ADAM18: variants seen among roughly 807,000 people sequenced by gnomAD.
ADAM18 encodes the protein disintegrin and metalloproteinase domain-containing protein 18.
ADAM18 carries 117 observed loss-of-function variants against 94.4 expected under a neutral mutation model. The observed-to-expected ratio is 1.24, with a 90% CI of 1.07 to 1.45. ADAM18 has a LOEUF of 1.45. Among genes scored for constraint, ADAM18 ranks in the 40% most tolerant of loss-of-function variants. The pLI is 0.00. For missense variants in ADAM18, 936 were observed against 880.0 expected, an observed-to-expected ratio of 1.06 and a Z score of -0.81; for synonymous variants, 327 against 291.6, an observed-to-expected ratio of 1.12 and a Z score of -1.24.
chr8:39,598,565 C>T (rs538149657), intron 2 of ADAM18, among the ~76,000 whole-genome samples: 25 of 151,878 alleles, frequency 1.6e-4, no homozygotes, highest in African/African-American at 4.3e-4. Flanking sequence ...GCTAGGAGTT[C>T]GAGACCTGCC....
chr8:39,613,533 A>C (rs1819344321), intron 6 of ADAM18, among the ~76,000 whole-genome samples: 1 of 152,234 alleles, frequency 6.6e-6, no homozygotes, highest in Non-Finnish European at 1.5e-5. Flanking sequence ...ATCAGGAAGA[A>C]CCAGCACAAG....
intron 6 of ADAM18, among the ~76,000 whole-genome samples, chr8:39,616,176 G>A (rs563295338): frequency 3.1e-4 from 47 of 152,254 alleles, no homozygotes; most frequent in African/African-American, 1.1e-3. Context: ...GGCTGAGGCA[G>A]GCAGATGATC....
chr8:39,693,812 G>A (rs1821846755), intron 17 of ADAM18, among the ~76,000 whole-genome samples: 1 of 150,772 alleles, frequency 6.6e-6, no homozygotes. Context: ...TGTTTAAAAA[G>A]AAAAACGACT....
chr8:39,603,174 T>C (rs1394264637), intron 2 of ADAM18, among the ~76,000 whole-genome samples: 1 of 152,228 alleles, frequency 6.6e-6, no homozygotes, highest in Non-Finnish European at 1.5e-5. Flanking sequence ...CAAAAATCAG[T>C]TGAAGGTCTA....
At chr8:39,612,300 G>T (rs1819302567) in intron 6 of ADAM18, among the ~76,000 whole-genome samples, 1 of 152,270 alleles carries the variant, frequency 6.6e-6, no homozygotes, top group South Asian at 2.1e-4. Flanking sequence ...GTGCTGAATG[G>T]GGAGGAAGCT....
At chr8:39,689,587 G>T (rs1016072817) in intron 16 of ADAM18, among the ~76,000 whole-genome samples, 3 of 152,128 alleles carry the variant, frequency 2.0e-5, no homozygotes, top group Non-Finnish European at 2.9e-5. Context: ...TGCTGTTTTG[G>T]TTACTGTAGC....
chr8:39,647,269 A>G (rs1277636275), intron 11 of ADAM18, among the ~76,000 whole-genome samples: 2 of 151,136 alleles, frequency 1.3e-5, no homozygotes, highest in African/African-American at 4.9e-5. Context: ...AAAAGAATCT[A>G]TGTCATAATT....
At chr8:39,636,993 T>C (rs532827575) in intron 7 of ADAM18, among the ~76,000 whole-genome samples, 110 of 145,160 alleles carry the variant, frequency 7.6e-4, no homozygotes, top group African/African-American at 2.7e-3. Flanking sequence ...ATTCAAGGCT[T>C]AATAATATTT....
At chr8:39,610,283 T>G (rs1052762054) in intron 5 of ADAM18, among the ~76,000 whole-genome samples, 9 of 152,132 alleles carry the variant, frequency 5.9e-5, no homozygotes, top group South Asian at 2.1e-4. Context: ...TTAATTAATG[T>G]GATTGCCTTA....
At position 39,670,287 on chromosome 8, in the gene ADAM18, G is replaced by A. The variant is rs138284186; in HGVS notation, c.1525+2091G>A. Among the ~76,000 whole-genome samples the A allele has an allele frequency of 2.7e-3, 406 of 152,104 alleles. 4 individuals carry two copies. Among genetic ancestry groups the A allele is most frequent in the African/African-American group, 9.4e-3 (390 of 41,502 alleles). On this transcript the variant is annotated intron_variant, in intron 14 of 19. Coordinates refer to ENST00000265707, the MANE Select transcript of ADAM18 (RefSeq NM_014237.3). The stretch of plus-strand genomic sequence containing the variant: ...GTATATTCCTATAATATATGTTCTA[G>A]GATCTCCAAAAAACTAGTATGAATG...
At chr8:39,637,466 T>C (rs552662865) in intron 8 of ADAM18, 71 bp from the exon 9 acceptor site, 37 of 1,436,990 alleles carry the variant, frequency 2.6e-5, no homozygotes, top group Admixed American at 8.8e-5. Context: ...AACATGTTGT[T>C]TATTTTTTAA....
At chr8:39,657,036 T>C (rs1820703945) in intron 12 of ADAM18, among the ~76,000 whole-genome samples, 1 of 152,182 alleles carries the variant, frequency 6.6e-6, no homozygotes, top group Non-Finnish European at 1.5e-5. Flanking sequence ...ATATAAAACA[T>C]AAAACATTCA....
At chr8:39,591,392 A>T (rs956283610) in intron 2 of ADAM18, among the ~76,000 whole-genome samples, 2 of 152,218 alleles carry the variant, frequency 1.3e-5, no homozygotes, top group Non-Finnish European at 2.9e-5. Context: ...CCACTGCTTT[A>T]TCAACTAAGT....
intron 16 of ADAM18, among the ~76,000 whole-genome samples, chr8:39,687,389 G>A (rs1002840568): frequency 6.6e-6 from 1 of 152,116 alleles, no homozygotes; most frequent in African/African-American, 2.4e-5. Flanking sequence ...GTTAACTTAA[G>A]AGTTCATCAA....
intron 12 of ADAM18, 28 bp from the exon 13 acceptor site, chr8:39,663,767 A>G: frequency 3.4e-6 from 5 of 1,471,818 alleles, no homozygotes; most frequent in Non-Finnish European, 3.8e-6. Context: ...GTTAAACTGT[A>G]ATAATATTTC....
At chr8:39,700,990 C>T (rs978641155) in intron 17 of ADAM18, among the ~76,000 whole-genome samples, 14 of 148,598 alleles carry the variant, frequency 9.4e-5, no homozygotes, top group Non-Finnish European at 1.5e-4. Context: ...TAGTGGCGGG[C>T]GCCTGTAGTC....
chr8:39,709,525 G>T (rs993422035), intron 18 of ADAM18, among the ~76,000 whole-genome samples: 1 of 152,092 alleles, frequency 6.6e-6, no homozygotes, highest in Non-Finnish European at 1.5e-5. Context: ...CCTTAGTTGG[G>T]GACCTGCCTT....
intron 6 of ADAM18, among the ~76,000 whole-genome samples, chr8:39,628,675 A>C (rs1819842414): frequency 6.6e-6 from 1 of 152,038 alleles, no homozygotes; most frequent in Non-Finnish European, 1.5e-5. Context: ...AATTTCTCTG[A>C]AGTTTCTATA....
intron 2 of ADAM18, among the ~76,000 whole-genome samples, chr8:39,594,985 T>C (rs970555878): frequency 6.6e-6 from 1 of 151,982 alleles, no homozygotes; most frequent in Non-Finnish European, 1.5e-5. Context: ...ATTTTTGTTA[T>C]AGTACCCTAG....
Sources: gnomAD v4.1 joint callset for allele counts (sites outside exome capture counted in the v4.1 genomes callset) on GRCh38, gnomAD v4.1.1 for gene constraint, MANE v1.5 for transcripts, NCBI Gene and HGNC (gene_info 2026-07-23, HGNC 2026-07-21) for gene names.